The following FGF20 variants were observed in gnomAD, a reference collection of about 807,000 sequenced individuals.
FGF20 encodes the protein fibroblast growth factor 20.
A neutral mutation model predicts 16.7 loss-of-function variants in FGF20; 8 were observed. The observed-to-expected ratio is 0.48, with a 90% CI of 0.28 to 0.87. The LOEUF (loss-of-function observed/expected upper bound fraction) is 0.87, where lower values mean the gene tolerates loss of function less well. Ranked by LOEUF, FGF20 falls within the 40% of genes least tolerant of loss-of-function variation. The pLI is 0.10. For missense variants in FGF20, 397 were observed against 281.4 expected (o/e 1.41, Z -2.94); for synonymous variants, 161 against 118.6 (o/e 1.36, Z -2.32).
chr8:17,001,791 G>A lies in FGF20; in HGVS notation c.242C>T (p.Pro81Leu). ...CRTGFHLQIL[P>L]DGSVQGTRQD... The stretch of plus-strand genomic sequence containing the variant: ...CCGGGTGCCCTGCACGCTGCCGTCG[G>A]GCAGGATCTGCAGGTGGAAGCCGGT... Residue 81 changes from proline to leucine, a missense_variant, in exon 1 of 3, where the codon CCC becomes CTC. By Grantham distance (98) the Pro-to-Leu change is moderately conservative (BLOSUM62 -3). Transcript: ENST00000180166. 1.3e-6 allele frequency: 2 copies of A among 1,570,806 alleles called. No homozygotes were observed. The highest frequency in any genetic ancestry group is 2.5e-5 in the East Asian group (1 of 39,408).
Position 17,001,875 on chromosome 8 carries a change from C to G in FGF20, c.158G>C (p.Gly53Ala), listed in dbSNP as rs557790865. The G allele has an allele frequency of 2.1e-6, 3 of 1,440,214 alleles. No individual in the cohort carries two copies. Among genetic ancestry groups the G allele is most frequent in the Non-Finnish European group, 2.7e-6 (3 of 1,101,662 alleles). The allele number at this position is 1,440,214 out of a possible 1,614,324, so 89.2% of individuals were successfully genotyped here. A position where few individuals can be genotyped will look rare whatever the true frequency, so the allele number is the denominator to read the frequency against. The change falls in exon 1 of 3, where the codon GGG becomes GCG. Residue 53 changes from glycine to alanine, a missense_variant. Transcript: ENST00000180166. ...GTGCAGGTGCGCCAGCTGCGCAGCC[C>G]CCGGCCCGCCGCGCGCGCTCCGCTC... ...AAERSARGGP[G>A]AAQLAHLHGI...
At chr8:16,993,718 C>T (rs1037792104) in intron 2 of FGF20, among the ~76,000 whole-genome samples, 2 of 151,946 alleles carry the variant, frequency 1.3e-5, no homozygotes, top group African/African-American at 4.8e-5. Flanking sequence ...CAGTGGGAGC[C>T]CTGAGCTTGT....
rs992136907 is a variant in FGF20, at chr8:16,995,706, C to T, written c.339G>A (p.Val113=). The T allele has an allele frequency of 6.2e-7, 1 of 1,609,660 alleles. No homozygotes were observed. Among genetic ancestry groups the T allele is most frequent in the Non-Finnish European group, 8.5e-7 (1 of 1,176,538 alleles). ...TCATTCCAAGATAGAGACCACTGTC[C>T]ACACCTCTAATACTGACCAGTCCCA... The part of the protein sequence containing the change: ...VAVGLVSIRG[V]DSGLYLGMND... The change falls in exon 2 of 3, where the codon GTG becomes GTA. Residue 113 remains valine (V), a synonymous_variant. Transcript: ENST00000180166.
intron 1 of FGF20, among the ~76,000 whole-genome samples, chr8:16,996,389 G>C (rs1460645706): frequency 6.6e-6 from 1 of 151,948 alleles, no homozygotes; most frequent in Non-Finnish European, 1.5e-5. Flanking sequence ...TAACCAGGTT[G>C]AGCAGGCAAG....
At chr8:16,994,550 T>G (rs982325900) in intron 2 of FGF20, among the ~76,000 whole-genome samples, 2 of 152,202 alleles carry the variant, frequency 1.3e-5, no homozygotes, top group African/African-American at 4.8e-5. Flanking sequence ...TTGTCTTTCT[T>G]TGTTCTGAGC....
In FGF20 at chr8:16,992,604, T is replaced by C. The variant is rs957243047; in HGVS notation, c.*468A>G. The C allele has an allele frequency of 2.0e-5, 3 of 148,116 alleles. No individual in the cohort carries two copies. Among genetic ancestry groups the C allele is most frequent in the Non-Finnish European group, 4.5e-5 (3 of 66,698 alleles). 9.2% of individuals were successfully genotyped at this position (148,116 alleles called of 1,614,324 possible). ...CATGTTTCACCCAGGTGTTGTTTAG[T>C]TTTTTTTTTTCTTAAAACATATAAT... On this transcript the variant is annotated 3_prime_UTR_variant, in exon 3 of 3. Coordinates refer to ENST00000180166, the MANE Select transcript of FGF20 (RefSeq NM_019851.3).
At chr8:17,001,684 G>A (rs1365572257) in intron 1 of FGF20, 63 bp downstream of exon 1, 3 of 1,479,530 alleles carry the variant, frequency 2.0e-6, no homozygotes, top group Non-Finnish European at 2.7e-6. Flanking sequence ...GAGGTGCAAG[G>A]GGAGGGAACG....
At chr8:16,995,807 T>C (rs372427335) in intron 1 of FGF20, 49 bp from the exon 2 acceptor site, 14 of 1,095,750 alleles carry the variant, frequency 1.3e-5, no homozygotes, top group Non-Finnish European at 2.7e-6. Flanking sequence ...TATTTATGCA[T>C]GAGCATATGA....
intron 2 of FGF20, 122 bp from the exon 3 acceptor site, chr8:16,993,439 T>C (rs571789055): frequency 9.9e-7 from 1 of 1,009,968 alleles, no homozygotes; most frequent in African/African-American, 1.6e-5. Flanking sequence ...GTTAAATTGG[T>C]TTTGCTTTAT....
intron 1 of FGF20, among the ~76,000 whole-genome samples, chr8:17,001,358 GA>G (rs1361415491): frequency 1.1e-4 from 16 of 152,124 alleles, no homozygotes; most frequent in African/African-American, 3.6e-4. Flanking sequence ...AACATACAGG[GA>G]TTTTTTTTAA....
Position 17,002,198 on chromosome 8 carries a change from G to C in FGF20, c.-166C>G. The C allele has an allele frequency of 1.6e-6, 1 of 623,160 alleles. No homozygotes were observed. The highest frequency in any genetic ancestry group is 2.5e-6 in the Non-Finnish European group (1 of 403,076). The allele number at this position is 623,160 out of a possible 1,614,324, so 38.6% of individuals were successfully genotyped here. A position where few individuals can be genotyped will look rare whatever the true frequency, so the allele number is the denominator to read the frequency against. On this transcript the variant is annotated 5_prime_UTR_variant, in exon 1 of 3. Transcript: ENST00000180166. The stretch of plus-strand genomic sequence containing the variant: ...GACTTTGCACTGAAATGGCAGGGAA[G>C]CTCTCACTGTCTTGGAGCGATCTTC...
chr8:16,997,880 C>T (rs571342338), intron 1 of FGF20, among the ~76,000 whole-genome samples: 2 of 152,242 alleles, frequency 1.3e-5, no homozygotes, highest in East Asian at 1.9e-4. Flanking sequence ...GCTATAATTA[C>T]AAATGTATAA....
rs1269622295 is a variant in FGF20 at position 16,992,968 on chromosome 8, AC to A, written c.*103del. On this transcript the variant is annotated 3_prime_UTR_variant, in exon 3 of 3. Transcript: ENST00000180166. Reference sequence around the variant, plus strand: ...AATCCAGTCTCTCAGTAGAAAATAGACTTTAATATTTTGAACGTCTCCTTGG... The same window carrying A: ...AATCCAGTCTCTCAGTAGAAAATAGATTTAATATTTTGAACGTCTCCTTGG... The A allele has an allele frequency of 1.4e-6, 2 of 1,379,902 alleles. No homozygotes were observed. The highest frequency in any genetic ancestry group is 1.4e-5 in the South Asian group (1 of 70,772). The allele number at this position is 1,379,902 out of a possible 1,614,324, so 85.5% of individuals were successfully genotyped here. A position where few individuals can be genotyped will look rare whatever the true frequency, so the allele number is the denominator to read the frequency against.
At position 16,993,211 on chromosome 8, in the gene FGF20, A is replaced by C; in HGVS notation, c.497T>G (p.Phe166Cys). ...YKHGDTGRRY[F>C]VALNKDGTPR... ...AGTTCCGTCTTTGTTAAGTGCCACAAAATACCTGCGGCCAGTGTCTCCATG... is the reference window on the plus strand; with the variant it reads ...AGTTCCGTCTTTGTTAAGTGCCACACAATACCTGCGGCCAGTGTCTCCATG... The change falls in exon 3 of 3, where the codon TTT becomes TGT. Residue 166 changes from phenylalanine to cysteine, a missense_variant. By Grantham distance (205) the Phe-to-Cys change is radical (BLOSUM62 -2). Transcript: ENST00000180166. 1 of 1,614,184 alleles carries C rather than the reference A, an allele frequency of 6.2e-7. No homozygotes were observed. The highest frequency in any genetic ancestry group is 8.5e-7 in the Non-Finnish European group (1 of 1,180,024).
chr8:16,999,446 T>C (rs17550025), intron 1 of FGF20, among the ~76,000 whole-genome samples: 3,301 of 151,004 alleles, frequency 0.022, 56 homozygotes, highest in Non-Finnish European at 0.033. Flanking sequence ...GTCAGTCTTA[T>C]AAACATACAC....
chr8:16,996,728 G>A (rs569198147), intron 1 of FGF20, among the ~76,000 whole-genome samples: 3 of 152,084 alleles, frequency 2.0e-5, no homozygotes, highest in African/African-American at 7.2e-5. Flanking sequence ...TAAAAAACAA[G>A]CCCTTAAAAT....
rs3793405 is a variant in FGF20 at position 16,995,699 on chromosome 8, C to G, written c.346G>C (p.Gly116Arg). ...GLVSIRGVDS[G>R]LYLGMNDKGE... ...TTGTCATTCATTCCAAGATAGAGAC[C>G]ACTGTCCACACCTCTAATACTGACC... is the stretch of plus-strand genomic sequence containing the variant. The change falls in exon 2 of 3, where the codon GGT becomes CGT. Residue 116 changes from glycine to arginine, a missense_variant. Coordinates refer to ENST00000180166, the MANE Select transcript of FGF20 (RefSeq NM_019851.3). The G allele has an allele frequency of 7.7e-4, 1,231 of 1,608,198 alleles. 14 individuals are homozygous for G. The East Asian group carries it at 0.023, about 30-fold the overall frequency.
At chr8:17,000,483 T>C (rs1483933272) in intron 1 of FGF20, among the ~76,000 whole-genome samples, 1 of 152,098 alleles carries the variant, frequency 6.6e-6, no homozygotes, top group Non-Finnish European at 1.5e-5. Context: ...GAGAGGGCCA[T>C]TCAGAGATGG....
rs17550290 is a variant in FGF20, at chr8:16,993,897, G to C, written c.391-580C>G. 6.4e-3 allele frequency among the ~76,000 whole-genome samples: 967 copies of C among 152,170 alleles called. 16 individuals carry two copies. Among genetic ancestry groups the C allele is most frequent in the African/African-American group, 0.022 (920 of 41,512 alleles). ...TGCTGCCGCTGATCTCACAGGAGGC[G>C]GAGCTTAGGTGGGAATGTGAGCAAT... On this transcript the variant is annotated intron_variant, in intron 2 of 2. Transcript: ENST00000180166.
Sources: allele counts gnomAD v4.1 joint callset (sites outside exome capture counted in the v4.1 genomes callset), GRCh38; gene constraint gnomAD v4.1.1; transcripts MANE v1.5; gene names NCBI Gene and HGNC (gene_info 2026-07-23, HGNC 2026-07-21).